The following IL1RAPL1 variants were observed in gnomAD, a reference collection of about 807,000 sequenced individuals.
The protein encoded by IL1RAPL1 is interleukin 1 receptor accessory protein like 1.
Under a neutral mutation model 48.4 loss-of-function variants are expected in IL1RAPL1, and 3 were observed. The observed-to-expected ratio is 0.06, with a 90% confidence interval of 0.03 to 0.16. IL1RAPL1 has a LOEUF of 0.16. IL1RAPL1 is among the 10% of genes least tolerant of loss of function. IL1RAPL1 has a pLI of 1.00. For synonymous variants in IL1RAPL1, 185 were observed against 187.7 expected, an observed-to-expected ratio of 0.99 and a Z score of 0.12; for missense variants, 349 against 530.6, an observed-to-expected ratio of 0.66 and a Z score of 3.36.
At chrX:28,889,253 A>G (rs1432072028) in intron 2 of IL1RAPL1, among the ~76,000 whole-genome samples, 3 of 111,573 alleles carry the variant, frequency 2.7e-5, no homozygotes. Context: ...TTGCATTTGC[A>G]TAAAGAGCAT....
chrX:29,837,282 T>A (rs865988286), intron 6 of IL1RAPL1, among the ~76,000 whole-genome samples: 1,054 of 66,553 alleles, frequency 0.016, 59 homozygotes, highest in African/African-American at 0.075. Context: ...AATATATATA[T>A]ATATATATAT....
intron 5 of IL1RAPL1, among the ~76,000 whole-genome samples, chrX:29,595,103 T>A (rs1374709217): frequency 8.9e-6 from 1 of 112,639 alleles, no homozygotes; most frequent in Admixed American, 9.4e-5. Flanking sequence ...ATCGTATATA[T>A]ACACCACATT....
At chrX:28,852,258 T>A (rs1475530857) in intron 2 of IL1RAPL1, among the ~76,000 whole-genome samples, 5 of 111,619 alleles carry the variant, frequency 4.5e-5, no homozygotes, top group Non-Finnish European at 7.5e-5. Flanking sequence ...TTTATAAAAA[T>A]GAAGCTATTT....
At chrX:29,195,557 CTTTTTT>C (rs756993767) in intron 2 of IL1RAPL1, among the ~76,000 whole-genome samples, 8 of 79,916 alleles carry the variant, frequency 1.0e-4, no homozygotes, top group South Asian at 7.1e-4. Context: ...TAACTAATTA[CTTTTTT>C]TTTTTTTTTT....
At chrX:29,076,679 G>T (rs1041210434) in intron 2 of IL1RAPL1, among the ~76,000 whole-genome samples, 2 of 109,982 alleles carry the variant, frequency 1.8e-5, no homozygotes, top group African/African-American at 6.6e-5. Flanking sequence ...CATACCATAG[G>T]TCATAAACCT....
At chrX:29,442,639 T>G (rs1466612167) in intron 5 of IL1RAPL1, among the ~76,000 whole-genome samples, 1 of 111,732 alleles carries the variant, frequency 8.9e-6, no homozygotes, top group African/African-American at 3.3e-5. Context: ...GAAGATTGCT[T>G]AAACCCAGGA....
intron 2 of IL1RAPL1, among the ~76,000 whole-genome samples, chrX:29,006,647 ATG>A (rs547186942): frequency 0.22 from 16,806 of 76,638 alleles, 1,607 homozygotes; most frequent in Admixed American, 0.29. Context: ...GTTTATATAT[ATG>A]TGTGTGTGTG....
At chrX:28,634,134 C>T (rs1934432512) in intron 1 of IL1RAPL1, among the ~76,000 whole-genome samples, 1 of 110,076 alleles carries the variant, frequency 9.1e-6, no homozygotes, top group South Asian at 3.8e-4. Context: ...CTCAGCTTCC[C>T]TAGTAGCTGG....
intron 2 of IL1RAPL1, among the ~76,000 whole-genome samples, chrX:29,228,173 C>T (rs1345227147): frequency 1.4e-5 from 1 of 72,940 alleles, no homozygotes; most frequent in Non-Finnish European, 2.3e-5. Flanking sequence ...TCCGGACACA[C>T]GCGTGCACAC....
intron 6 of IL1RAPL1, among the ~76,000 whole-genome samples, chrX:29,860,708 C>T (rs1931566160): frequency 8.9e-6 from 1 of 112,098 alleles, no homozygotes; most frequent in South Asian, 3.7e-4. Context: ...TCTATGGCTG[C>T]ATAGTATTCC....
chrX:29,436,643 AAG>A (rs1232690532), intron 5 of IL1RAPL1, among the ~76,000 whole-genome samples: 2 of 109,895 alleles, frequency 1.8e-5, no homozygotes, highest in Non-Finnish European at 3.8e-5. Context: ...TCACTTGAGA[AAG>A]AGAGTCAATC....
intron 1 of IL1RAPL1, among the ~76,000 whole-genome samples, chrX:28,711,889 C>G (rs899061639): frequency 6.4e-5 from 7 of 110,168 alleles, no homozygotes; most frequent in African/African-American, 1.6e-4. Context: ...AAGTTGTGAA[C>G]TTATCACTGT....
chrX:28,785,520 A>C (rs1335148340), intron 1 of IL1RAPL1, among the ~76,000 whole-genome samples: 1 of 111,749 alleles, frequency 8.9e-6, no homozygotes, highest in Non-Finnish European at 1.9e-5. Flanking sequence ...TTTCTGATTC[A>C]CACTCCCTCT....
rs189687980 is a variant in IL1RAPL1, at chrX:28,911,644, C to T, written c.82+122219C>T. Among the ~76,000 whole-genome samples the T allele has an allele frequency of 8.1e-5, 9 of 111,387 alleles. No homozygotes were observed. The East Asian group carries it at 2.5e-3, about 31-fold the overall frequency. ...AAGATTGGTCGTTTAATGGTGTTATCTGTCACTAAAAAGAAAGTTCTTATT... is the reference window on the plus strand; with the variant it reads ...AAGATTGGTCGTTTAATGGTGTTATTTGTCACTAAAAAGAAAGTTCTTATT... On this transcript the variant is annotated intron_variant, in intron 2 of 10. Transcript: ENST00000378993.
At chrX:29,224,314 A>G (rs908062532) in intron 2 of IL1RAPL1, among the ~76,000 whole-genome samples, 1 of 111,223 alleles carries the variant, frequency 9.0e-6, no homozygotes, top group Non-Finnish European at 1.9e-5. Context: ...CTTTCTGACT[A>G]CCGGCTCCAA....
intron 2 of IL1RAPL1, among the ~76,000 whole-genome samples, chrX:28,987,047 A>G (rs1370606132): frequency 8.9e-6 from 1 of 112,609 alleles, no homozygotes; most frequent in African/African-American, 3.2e-5. Context: ...ACATGTATAG[A>G]AAGAGTAACT....
At chrX:29,050,231 T>G (rs1198027919) in intron 2 of IL1RAPL1, among the ~76,000 whole-genome samples, 1 of 112,069 alleles carries the variant, frequency 8.9e-6, no homozygotes, top group Non-Finnish European at 1.9e-5. Context: ...TTTTGAAGAT[T>G]ACCGATTGAG....
At chrX:29,562,215 G>A (rs188712877) in intron 5 of IL1RAPL1, among the ~76,000 whole-genome samples, 2 of 106,262 alleles carry the variant, frequency 1.9e-5, no homozygotes, top group East Asian at 5.9e-4. Flanking sequence ...GCCCAGGCTG[G>A]TCTCAAACTC....
At chrX:28,909,745 A>C (rs1923310002) in intron 2 of IL1RAPL1, among the ~76,000 whole-genome samples, 2 of 111,763 alleles carry the variant, frequency 1.8e-5, no homozygotes, top group African/African-American at 6.5e-5. Flanking sequence ...GTGTAGCAGT[A>C]ACAGCTTTTT....
Sources: gnomAD v4.1 joint callset for allele counts (sites outside exome capture counted in the v4.1 genomes callset) on GRCh38, gnomAD v4.1.1 for gene constraint, MANE v1.5 for transcripts, NCBI Gene and HGNC (gene_info 2026-07-23, HGNC 2026-07-21) for gene names.